ARHGAP15: variants seen among roughly 807,000 people sequenced by gnomAD.
The protein encoded by ARHGAP15 is rho GTPase-activating protein 15.
In ARHGAP15, 51 loss-of-function variants were observed where a neutral mutation model predicts 63.7. The ratio of observed to expected loss-of-function variants is 0.80; its 90% confidence interval spans 0.64 to 1.01. ARHGAP15 has a LOEUF of 1.01. ARHGAP15 is among the 50% of genes least tolerant of loss of function. The pLI, the probability that ARHGAP15 is intolerant of heterozygous loss-of-function variation, is 0.00. For missense variants in ARHGAP15, 560 were observed against 564.6 expected, an observed-to-expected ratio of 0.99 and a Z score of 0.08; for synonymous variants, 191 against 193.8, an observed-to-expected ratio of 0.99 and a Z score of 0.12.
rs116372704 is a variant in ARHGAP15 at position 143,357,159 on chromosome 2, C to G, written c.475-78442C>G. 3.2e-3 allele frequency among the ~76,000 whole-genome samples: 480 copies of G among 152,206 alleles called. 1 individual carries two copies. The highest frequency in any genetic ancestry group is 0.01 in the African/African-American group (434 of 41,536). The stretch of plus-strand genomic sequence containing the variant: ...CTGACCAATGTTGTAATTTAATATA[C>G]TGTATTATGGGTTATACAATTTTAG... On this transcript the variant is annotated intron_variant, in intron 6 of 13. Coordinates refer to ENST00000295095, the MANE Select transcript of ARHGAP15 (RefSeq NM_018460.4).
chr2:143,603,690 T>G (rs1156343734), intron 11 of ARHGAP15, among the ~76,000 whole-genome samples: 1 of 152,210 alleles, frequency 6.6e-6, no homozygotes, highest in Non-Finnish European at 1.5e-5. Context: ...GTAGTCTTCT[T>G]ACAGATTTAG....
At chr2:143,371,490 A>G (rs536166636) in intron 6 of ARHGAP15, among the ~76,000 whole-genome samples, 1 of 152,234 alleles carries the variant, frequency 6.6e-6, no homozygotes, top group East Asian at 1.9e-4. Context: ...CTGTCTATCT[A>G]TCCGTCTTCG....
chr2:143,331,555 T>A (rs1290661624), intron 6 of ARHGAP15, among the ~76,000 whole-genome samples: 1 of 152,164 alleles, frequency 6.6e-6, no homozygotes, highest in Non-Finnish European at 1.5e-5. Flanking sequence ...TGAAAAGAAA[T>A]CTATGAATGC....
chr2:143,493,512 A>G (rs1692678378), intron 9 of ARHGAP15, among the ~76,000 whole-genome samples: 1 of 152,002 alleles, frequency 6.6e-6, no homozygotes, highest in Admixed American at 6.6e-5. Context: ...TCATTTTTCC[A>G]TTTTGAATTT....
At chr2:143,679,427 T>C (rs1682986580) in intron 12 of ARHGAP15, among the ~76,000 whole-genome samples, 1 of 152,146 alleles carries the variant, frequency 6.6e-6, no homozygotes, top group Non-Finnish European at 1.5e-5. Flanking sequence ...TATTGCAAAG[T>C]TTATTAGCTC....
intron 6 of ARHGAP15, among the ~76,000 whole-genome samples, chr2:143,346,590 C>A (rs565841131): frequency 1.3e-5 from 2 of 152,072 alleles, no homozygotes; most frequent in African/African-American, 2.4e-5. Flanking sequence ...ACAAGTCAGT[C>A]GGCACCGACC....
intron 13 of ARHGAP15, chr2:143,766,831 T>C (rs2072938744): frequency 6.6e-6 from 1 of 152,200 alleles, no homozygotes; most frequent in Non-Finnish European, 1.5e-5. Context: ...ATGGGGTTTC[T>C]GGAGAATATC....
At position 143,422,202 on chromosome 2, in the gene ARHGAP15, G is replaced by C. The variant is rs556390276; in HGVS notation, c.475-13399G>C. Among the ~76,000 whole-genome samples the C allele has an allele frequency of 3.9e-5, 6 of 152,166 alleles. No individual in the cohort carries two copies. In the South Asian group the frequency reaches 8.3e-4, roughly 21 times the overall value. ...GGTAGCAGATTACAAACCCAATACT[G>C]GTTCTCATGATAGAAAAATGTCCTC... On this transcript the variant is annotated intron_variant, in intron 6 of 13. Transcript: ENST00000295095.
intron 6 of ARHGAP15, among the ~76,000 whole-genome samples, chr2:143,296,725 A>G (rs1004510673): frequency 2.0e-5 from 3 of 151,974 alleles, no homozygotes; most frequent in African/African-American, 7.2e-5. Context: ...TTTGCTGCAT[A>G]GGTAAACGTG....
chr2:143,246,318 C>G (rs1392615480), intron 5 of ARHGAP15, among the ~76,000 whole-genome samples: 1 of 151,860 alleles, frequency 6.6e-6, no homozygotes, highest in Admixed American at 6.6e-5. Flanking sequence ...TATCATTAAA[C>G]TTTATATTCA....
chr2:143,456,895 A>G (rs1235637782), intron 8 of ARHGAP15, among the ~76,000 whole-genome samples: 1 of 151,942 alleles, frequency 6.6e-6, no homozygotes, highest in Non-Finnish European at 1.5e-5. Context: ...AATAAATTTT[A>G]AGGGGCATAT....
At chr2:143,621,547 T>C (rs1253799247) in intron 11 of ARHGAP15, among the ~76,000 whole-genome samples, 1 of 152,190 alleles carries the variant, frequency 6.6e-6, no homozygotes, top group African/African-American at 2.4e-5. Context: ...TAAAAATTAG[T>C]ATTATATTTC....
intron 11 of ARHGAP15, among the ~76,000 whole-genome samples, chr2:143,575,775 C>G (rs551654872): frequency 6.6e-6 from 1 of 152,206 alleles, no homozygotes; most frequent in South Asian, 2.1e-4. Flanking sequence ...TATTTCCAAA[C>G]CTGATGAGGA....
At chr2:143,321,529 C>T (rs1220587740) in intron 6 of ARHGAP15, among the ~76,000 whole-genome samples, 5 of 152,330 alleles carry the variant, frequency 3.3e-5, no homozygotes, top group East Asian at 1.9e-4. Flanking sequence ...CTGGCCTTGC[C>T]GTGGTCACCT....
chr2:143,290,981 G>C (rs1261040758), intron 6 of ARHGAP15, among the ~76,000 whole-genome samples: 1 of 152,042 alleles, frequency 6.6e-6, no homozygotes, highest in Non-Finnish European at 1.5e-5. Context: ...GAAGAAGACA[G>C]GGTGTTATGA....
intron 2 of ARHGAP15, among the ~76,000 whole-genome samples, chr2:143,170,232 T>A (rs1020376449): frequency 6.6e-6 from 1 of 152,136 alleles, no homozygotes; most frequent in African/African-American, 2.4e-5. Flanking sequence ...TTATTCTTCC[T>A]GTAACAATGT....
At chr2:143,140,959 G>A (rs1299609174) in intron 1 of ARHGAP15, among the ~76,000 whole-genome samples, 1 of 152,128 alleles carries the variant, frequency 6.6e-6, no homozygotes, top group Admixed American at 6.5e-5. Context: ...AAGGGGATTA[G>A]CAAGTGGGCA....
intron 12 of ARHGAP15, among the ~76,000 whole-genome samples, chr2:143,659,481 A>AGT (rs1409729767): frequency 6.6e-6 from 1 of 152,200 alleles, no homozygotes; most frequent in Non-Finnish European, 1.5e-5. Flanking sequence ...GACCAAGAAG[A>AGT]GTGTGTCTTT....
intron 12 of ARHGAP15, among the ~76,000 whole-genome samples, chr2:143,679,797 C>A (rs1683014915): frequency 6.6e-6 from 1 of 151,928 alleles, no homozygotes. Flanking sequence ...CAGCTCAAGT[C>A]TTGGCATACA....
Sources: allele counts gnomAD v4.1 joint callset (sites outside exome capture counted in the v4.1 genomes callset), GRCh38; gene constraint gnomAD v4.1.1; transcripts MANE v1.5; gene names NCBI Gene and HGNC (gene_info 2026-07-23, HGNC 2026-07-21).